The following SLC9A9 variants were observed in gnomAD, a reference collection of about 807,000 sequenced individuals.
SLC9A9 encodes sodium/hydrogen exchanger 9.
SLC9A9 carries 62 observed loss-of-function variants against 77.8 expected under a neutral mutation model. The ratio of observed to expected loss-of-function variants is 0.80; its 90% CI spans 0.65 to 0.98. The LOEUF (loss-of-function observed/expected upper bound fraction) is 0.98. Ranked by LOEUF, SLC9A9 falls within the 50% of genes least tolerant of loss-of-function variation. SLC9A9 has a pLI of 0.00. For synonymous variants in SLC9A9, 320 were observed against 283.5 expected, an observed-to-expected ratio of 1.13 and a Z score of -1.29; for missense variants, 775 against 774.9, an observed-to-expected ratio of 1.00 and a Z score of 0.00.
chr3:143,837,373 G>A (rs1236730006), intron 1 of SLC9A9, among the ~76,000 whole-genome samples: 1 of 152,146 alleles, frequency 6.6e-6, no homozygotes, highest in Non-Finnish European at 1.5e-5. Flanking sequence ...AAGAATTTAG[G>A]AGTCTAAAGC....
chr3:143,315,391 C>T (rs1315285489), intron 14 of SLC9A9, among the ~76,000 whole-genome samples: 1 of 152,168 alleles, frequency 6.6e-6, no homozygotes, highest in Admixed American at 6.5e-5. Context: ...TCCATCTGGG[C>T]AGATATTGTT....
chr3:143,416,238 G>T (rs531559544), intron 12 of SLC9A9, among the ~76,000 whole-genome samples: 1 of 152,222 alleles, frequency 6.6e-6, no homozygotes, highest in East Asian at 1.9e-4. Context: ...AACAAAAAAG[G>T]GTTTAGTATA....
intron 5 of SLC9A9, among the ~76,000 whole-genome samples, chr3:143,683,529 A>T (rs1025522051): frequency 6.6e-6 from 1 of 152,148 alleles, no homozygotes; most frequent in Admixed American, 6.6e-5. Flanking sequence ...TGAGTTATCA[A>T]AGGCAAAGGG....
intron 14 of SLC9A9, among the ~76,000 whole-genome samples, chr3:143,270,393 G>T (rs1232696800): frequency 5.3e-5 from 8 of 152,172 alleles, no homozygotes; most frequent in Non-Finnish European, 8.8e-5. Flanking sequence ...ACCCCTAGAA[G>T]ACAATTCTCA....
intron 12 of SLC9A9, among the ~76,000 whole-genome samples, chr3:143,456,413 A>T (rs1242035379): frequency 6.6e-6 from 1 of 152,172 alleles, no homozygotes; most frequent in East Asian, 1.9e-4. Flanking sequence ...GCCTCTTAAA[A>T]TGAGTTGGAA....
chr3:143,641,629 G>A (rs962414730), intron 6 of SLC9A9, among the ~76,000 whole-genome samples: 29 of 152,016 alleles, frequency 1.9e-4, no homozygotes, highest in Non-Finnish European at 3.4e-4. Flanking sequence ...TCCTGACCTC[G>A]TGATCCGCCA....
intron 9 of SLC9A9, among the ~76,000 whole-genome samples, chr3:143,521,482 G>A (rs1172277086): frequency 6.6e-6 from 1 of 152,084 alleles, no homozygotes; most frequent in Admixed American, 6.5e-5. Context: ...ATCTGACAGT[G>A]TTTCCCTTTT....
At chr3:143,681,312 G>A (rs1933082791) in intron 5 of SLC9A9, among the ~76,000 whole-genome samples, 1 of 151,860 alleles carries the variant, frequency 6.6e-6, no homozygotes, top group African/African-American at 2.4e-5. Flanking sequence ...TTTTTACTTA[G>A]AATTTTTATT....
chr3:143,515,554 G>A (rs1428701684), intron 9 of SLC9A9, among the ~76,000 whole-genome samples: 2 of 152,126 alleles, frequency 1.3e-5, no homozygotes, highest in African/African-American at 2.4e-5. Flanking sequence ...ACTAGATACT[G>A]TATCACATAG....
rs529167284 is a variant in SLC9A9 at position 143,290,569 on chromosome 3, T to A, written c.1605-21589A>T. ...TTTCTCTCTGATACGCTGTCAGCCA[T>A]CACACATAGCATAGAAAAAGGATAC... On this transcript the variant is annotated intron_variant, in intron 14 of 15. Transcript: ENST00000316549. 2.6e-3 allele frequency among the ~76,000 whole-genome samples: 393 copies of A among 152,244 alleles called. 2 individuals carry two copies. The highest frequency in any genetic ancestry group is 9.3e-3 in the African/African-American group (385 of 41,540).
chr3:143,553,814 A>C (rs1213841959), intron 8 of SLC9A9, among the ~76,000 whole-genome samples: 1 of 152,206 alleles, frequency 6.6e-6, no homozygotes, highest in African/African-American at 2.4e-5. Context: ...GTAACTTCTC[A>C]GTTTCTTAGC....
At position 143,370,391 on chromosome 3, in the gene SLC9A9, A is replaced by G. The variant is rs554545645; in HGVS notation, c.1525-6828T>C. ...TGGGTCAAATATACCCATCTTACAGATTGAAGATTAAATACAAAGACAAAA... is the reference window on the plus strand; with the variant it reads ...TGGGTCAAATATACCCATCTTACAGGTTGAAGATTAAATACAAAGACAAAA... On this transcript the variant is annotated intron_variant, in intron 13 of 15. Coordinates refer to ENST00000316549, the MANE Select transcript of SLC9A9 (RefSeq NM_173653.4). Among the ~76,000 whole-genome samples the G allele has an allele frequency of 6.6e-5, 10 of 152,272 alleles. No homozygotes were observed. The South Asian group carries it at 1.7e-3, about 25-fold the overall frequency.
chr3:143,691,483 C>T (rs1933465081), intron 5 of SLC9A9, among the ~76,000 whole-genome samples: 1 of 152,158 alleles, frequency 6.6e-6, no homozygotes, highest in Non-Finnish European at 1.5e-5. Flanking sequence ...AACAACTTAA[C>T]AGAATGACAT....
chr3:143,542,638 C>T (rs2036708369), intron 9 of SLC9A9, among the ~76,000 whole-genome samples: 1 of 152,076 alleles, frequency 6.6e-6, no homozygotes, highest in South Asian at 2.1e-4. Flanking sequence ...TCAAGATTAC[C>T]CTAGACATTT....
At chr3:143,544,254 G>C (rs764216205) in intron 9 of SLC9A9, among the ~76,000 whole-genome samples, 2 of 151,830 alleles carry the variant, frequency 1.3e-5, no homozygotes, top group African/African-American at 2.4e-5. Context: ...TGAGACGGAG[G>C]CTCGCTCTGT....
intron 12 of SLC9A9, among the ~76,000 whole-genome samples, chr3:143,440,455 C>G (rs2034712295): frequency 6.6e-6 from 1 of 152,250 alleles, no homozygotes; most frequent in African/African-American, 2.4e-5. Context: ...TGGCCCCTAA[C>G]TAGGGGGACA....
intron 2 of SLC9A9, among the ~76,000 whole-genome samples, chr3:143,822,668 C>T (rs1175000067): frequency 1.3e-5 from 2 of 152,178 alleles, no homozygotes; most frequent in Non-Finnish European, 2.9e-5. Context: ...AATAACTACT[C>T]GCTGGAGACC....
intron 14 of SLC9A9, among the ~76,000 whole-genome samples, chr3:143,349,781 T>A (rs2032399509): frequency 6.6e-6 from 1 of 152,188 alleles, no homozygotes; most frequent in Admixed American, 6.5e-5. Context: ...TTAAGTGAAG[T>A]CTACAGATAG....
At chr3:143,649,127 C>T (rs2038757016) in intron 6 of SLC9A9, among the ~76,000 whole-genome samples, 1 of 152,212 alleles carries the variant, frequency 6.6e-6, no homozygotes, top group Non-Finnish European at 1.5e-5. Context: ...TTAACCTAGA[C>T]TTCTTTCTAC....
Sources: gnomAD v4.1 joint callset for allele counts (sites outside exome capture counted in the v4.1 genomes callset) on GRCh38, gnomAD v4.1.1 for gene constraint, MANE v1.5 for transcripts, NCBI Gene and HGNC (gene_info 2026-07-23, HGNC 2026-07-21) for gene names.